STX16: variants seen among roughly 807,000 people sequenced by gnomAD.
STX16 encodes the protein syntaxin-16.
In STX16, 28 loss-of-function variants were observed where a neutral mutation model predicts 42.7. The ratio of observed to expected loss-of-function variants is 0.66; its 90% CI spans 0.49 to 0.90. STX16 has a LOEUF of 0.90. STX16 is among the 40% of genes least tolerant of loss of function. STX16 has a pLI of 0.00. For synonymous variants in STX16, 156 were observed against 155.2 expected (o/e 1.00, Z -0.04); for missense variants, 361 against 420.9 (o/e 0.86, Z 1.24).
intron 2 of STX16, 76 bp downstream of exon 2, chr20:58,659,710 T>C: frequency 6.6e-7 from 1 of 1,514,786 alleles, no homozygotes; most frequent in South Asian, 1.2e-5. Context: ...AAGTCTTTGC[T>C]CATATATAAA....
At chr20:58,656,997 T>C (rs1247812544) in intron 1 of STX16, among the ~76,000 whole-genome samples, 2 of 152,342 alleles carry the variant, frequency 1.3e-5, no homozygotes, top group East Asian at 1.9e-4. Context: ...GGGGCTGTGA[T>C]TGGAACTCTG....
chr20:58,655,039 ACT>A (rs1236231301), intron 1 of STX16, among the ~76,000 whole-genome samples: 2 of 152,344 alleles, frequency 1.3e-5, no homozygotes, highest in East Asian at 3.9e-4. Context: ...CATGTCTAAC[ACT>A]CAGGCAATTT....
rs1306944419 is a variant in STX16, at chr20:58,667,277, A to T, written c.145-213A>T. On this transcript the variant is annotated intron_variant, in intron 2 of 8. Transcript: ENST00000371141. ...TGGTGCATGAAAAGATAGGAAAACA[A>T]TCCAAATCCTAGCAGTTATCAAAAG... 3 of 656,660 alleles carry T rather than the reference A, an allele frequency of 4.6e-6. No individual in the cohort carries two copies. The African/African-American group carries it at 5.3e-5, about 12-fold the overall frequency. The allele number at this position is 656,660 out of a possible 1,614,324, so 40.7% of individuals were successfully genotyped here. A position where few individuals can be genotyped will look rare whatever the true frequency, so the allele number is the denominator to read the frequency against.
Position 58,669,425 on chromosome 20 carries a change from C to T in STX16, c.528C>T (p.Phe176=), listed in dbSNP as rs2083917852. 1.2e-6 allele frequency: 2 copies of T among 1,611,770 alleles called. No individual in the cohort carries two copies. The highest frequency in any genetic ancestry group is 1.7e-6 in the Non-Finnish European group (2 of 1,179,410). The change falls in exon 5 of 9, where the codon TTC becomes TTT. Residue 176 remains phenylalanine (F), a synonymous_variant. Coordinates refer to ENST00000371141, the MANE Select transcript of STX16 (RefSeq NM_001001433.3). ...CCCTGCAGGAACTCTCCACCAGCTT[C>T]CGGCACGCACAGTCAGGCTACCTCA... ...AQALQELSTS[F]RHAQSGYLKR...
Position 58,651,340 on chromosome 20 carries a change from C to T in STX16, c.-667C>T, listed in dbSNP as rs935800677. 6.5e-6 allele frequency: 1 copy of T among 153,520 alleles called. No homozygotes were observed. The highest frequency in any genetic ancestry group is 1.9e-4 in the East Asian group (1 of 5,208). The allele number at this position is 153,520 out of a possible 1,614,324, so 9.5% of individuals were successfully genotyped here. On this transcript the variant is annotated 5_prime_UTR_variant, in exon 1 of 9. Coordinates refer to ENST00000371141, the MANE Select transcript of STX16 (RefSeq NM_001001433.3). Reference sequence around the variant, plus strand: ...AGTGAGAAGGCCGGGGAGGCAGGCCCTGCTGTCTTCCTGCAGGCCGGCAGC... The same window carrying T: ...AGTGAGAAGGCCGGGGAGGCAGGCCTTGCTGTCTTCCTGCAGGCCGGCAGC...
At chr20:58,673,378 A>G (rs1217314299) in intron 7 of STX16, among the ~76,000 whole-genome samples, 2 of 152,108 alleles carry the variant, frequency 1.3e-5, no homozygotes, top group Non-Finnish European at 2.9e-5. Flanking sequence ...GCTGAAACCA[A>G]TAAGGAAACC....
intron 1 of STX16, chr20:58,652,382 C>T (rs2044346002): frequency 5.2e-6 from 3 of 580,148 alleles, no homozygotes; most frequent in South Asian, 1.7e-5. Flanking sequence ...CCCCCCCCCC[C>T]GCACCCCCCG....
intron 5 of STX16, among the ~76,000 whole-genome samples, chr20:58,669,720 T>C (rs751139960): frequency 6.6e-6 from 1 of 152,192 alleles, no homozygotes; most frequent in Non-Finnish European, 1.5e-5. Flanking sequence ...TGTGTCAAGC[T>C]GCAAGAATTT....
chr20:58,675,573 G>T (rs1228271915), intron 8 of STX16, among the ~76,000 whole-genome samples: 1 of 152,208 alleles, frequency 6.6e-6, no homozygotes, highest in Non-Finnish European at 1.5e-5. Context: ...AGCTTGGAGG[G>T]CTCCTTTGCT....
chr20:58,656,247 A>C (rs1318619592), intron 1 of STX16, among the ~76,000 whole-genome samples: 2 of 152,192 alleles, frequency 1.3e-5, no homozygotes, highest in African/African-American at 4.8e-5. Context: ...TCCTGACTTT[A>C]GCTTTAATTT....
At chr20:58,655,448 C>G (rs1452548298) in intron 1 of STX16, among the ~76,000 whole-genome samples, 1 of 152,112 alleles carries the variant, frequency 6.6e-6, no homozygotes, top group East Asian at 1.9e-4. Context: ...GCAAATATGT[C>G]AAATAAACAG....
chr20:58,674,998 A>G (rs1477831043), intron 8 of STX16, among the ~76,000 whole-genome samples: 2 of 152,200 alleles, frequency 1.3e-5, no homozygotes, highest in Non-Finnish European at 2.9e-5. Flanking sequence ...GTTTTACAGT[A>G]TATTATTTAG....
chr20:58,659,785 A>G (rs117887264), intron 2 of STX16, 151 bp downstream of exon 2: 21 of 801,096 alleles, frequency 2.6e-5, no homozygotes, highest in South Asian at 1.6e-4. Flanking sequence ...TAACAGTTTA[A>G]TATGTAGAAT....
chr20:58,670,054 A>G (rs1284139546), intron 5 of STX16, among the ~76,000 whole-genome samples: 1 of 152,228 alleles, frequency 6.6e-6, no homozygotes, highest in Non-Finnish European at 1.5e-5. Flanking sequence ...ACATACTCCA[A>G]AAAACCTAGT....
chr20:58,676,358 C>G lies in STX16; in HGVS notation c.*67C>G. The G allele has an allele frequency of 2.8e-6, 4 of 1,431,892 alleles. No homozygotes were observed. 88.7% of individuals were successfully genotyped at this position (1,431,892 alleles called of 1,614,324 possible). On this transcript the variant is annotated 3_prime_UTR_variant, in exon 9 of 9. Coordinates refer to ENST00000371141, the MANE Select transcript of STX16 (RefSeq NM_001001433.3). The stretch of plus-strand genomic sequence containing the variant: ...CGGGTGTGAGGGGCTTGGCCTGCGC[C>G]CCGCCAGCTGCCCGCAGAGGTGCAG...
intron 4 of STX16, among the ~76,000 whole-genome samples, chr20:58,669,083 G>A (rs2083906033): frequency 6.6e-6 from 1 of 152,230 alleles, no homozygotes; most frequent in African/African-American, 2.4e-5. Flanking sequence ...TGGGCACACA[G>A]CAGGCCCTAC....
intron 8 of STX16, among the ~76,000 whole-genome samples, chr20:58,674,311 T>A (rs1198295548): frequency 2.0e-5 from 3 of 152,206 alleles, no homozygotes; most frequent in Non-Finnish European, 4.4e-5. Flanking sequence ...TTTAAAAAAA[T>A]AGATGGAAAG....
In STX16 at chr20:58,651,792, G is replaced by A; in HGVS notation, c.-215G>A. On this transcript the variant is annotated 5_prime_UTR_variant, in exon 1 of 9. Coordinates refer to ENST00000371141, the MANE Select transcript of STX16 (RefSeq NM_001001433.3). ...GATCGAAGTCTGCCCTGGGTAGGGG[G>A]AGTCAGACAATTGGAAAGCCTAGGT... is the stretch of plus-strand genomic sequence containing the variant. 1.8e-6 allele frequency: 1 copy of A among 541,162 alleles called. No individual in the cohort carries two copies. The highest frequency in any genetic ancestry group is 2.1e-5 in the South Asian group (1 of 47,572). The allele number at this position is 541,162 out of a possible 1,614,324, so 33.5% of individuals were successfully genotyped here.
In STX16 at chr20:58,677,166, C is replaced by T. The variant is rs933525825; in HGVS notation, c.*875C>T. On this transcript the variant is annotated 3_prime_UTR_variant, in exon 9 of 9. Coordinates refer to ENST00000371141, the MANE Select transcript of STX16 (RefSeq NM_001001433.3). ...CCATGGGTATCCCCAGCCATCCTTG[C>T]TCAATCCATTACTTATATACTAACT... 13 of 152,670 alleles carry T rather than the reference C, an allele frequency of 8.5e-5. No homozygotes were observed. The highest frequency in any genetic ancestry group is 1.6e-4 in the Non-Finnish European group (11 of 68,042). 9.5% of individuals were successfully genotyped at this position (152,670 alleles called of 1,614,324 possible).
Sources: gnomAD v4.1 joint callset for allele counts (sites outside exome capture counted in the v4.1 genomes callset) on GRCh38, gnomAD v4.1.1 for gene constraint, MANE v1.5 for transcripts, NCBI Gene and HGNC (gene_info 2026-07-23, HGNC 2026-07-21) for gene names.